STK11: variants seen among roughly 807,000 people sequenced by gnomAD.
The protein encoded by STK11 is serine/threonine kinase 11, also known as serine/threonine-protein kinase STK11.
A neutral mutation model predicts 47.3 loss-of-function variants in STK11; 8 were observed. That is an observed-to-expected ratio of 0.17 (90% CI 0.10 to 0.31). STK11 has a LOEUF of 0.31. STK11 is among the 10% of genes least tolerant of loss of function. The pLI is 1.00. For missense variants in STK11, 475 were observed against 605.0 expected (o/e 0.79, Z 2.25); for synonymous variants, 330 against 255.8 (o/e 1.29, Z -2.77).
chr19:1,226,837 C>A, intron 9 of STK11, 174 bp downstream of exon 9: 3 of 785,992 alleles, frequency 3.8e-6, no homozygotes, highest in East Asian at 6.2e-5. Context: ...AGGGTGCCGT[C>A]TCGGGGCCTG....
intron 3 of STK11, among the ~76,000 whole-genome samples, 198 bp downstream of exon 3, chr19:1,219,611 T>C (rs2080768595): frequency 6.6e-6 from 1 of 152,066 alleles, no homozygotes; most frequent in African/African-American, 2.4e-5. Flanking sequence ...AATGGTGCGA[T>C]CTCGGCTCAC....
At chr19:1,212,322 C>T (rs962776459) in intron 1 of STK11, among the ~76,000 whole-genome samples, 30 of 125,062 alleles carry the variant, frequency 2.4e-4, no homozygotes, top group Middle Eastern at 6.8e-3. Context: ...CTCACTGTAT[C>T]GCCGAGGCTG....
At position 1,228,258 on chromosome 19, in the gene STK11, C is replaced by T; in HGVS notation, c.*682C>T. On this transcript the variant is annotated 3_prime_UTR_variant, in exon 10 of 10. Transcript: ENST00000326873. ...CCCCAAGGCCACTGCGCTCTTGGGA[C>T]CCCAGAGAAAACCCGGAGCAAGCAG... 1.1e-5 allele frequency: 5 copies of T among 453,934 alleles called. No homozygotes were observed. Among genetic ancestry groups the T allele is most frequent in the Non-Finnish European group, 1.6e-5 (5 of 320,180 alleles). The allele number at this position is 453,934 out of a possible 1,614,324, so 28.1% of individuals were successfully genotyped here.
In STK11 at chr19:1,222,860, C is replaced by T. The variant is rs2080794707; in HGVS notation, c.921-125C>T. On this transcript the variant is annotated intron_variant, in intron 7 of 9. Transcript: ENST00000326873. ...TGAGCTTCTGTGGTCACAGCCACCC[C>T]TTGCACGGCCTGGTCCCAGCTCCTG... 3.4e-6 allele frequency: 4 copies of T among 1,167,632 alleles called. No individual in the cohort carries two copies. In the South Asian group the frequency reaches 4.8e-5, roughly 14 times the overall value. The allele number at this position is 1,167,632 out of a possible 1,614,324, so 72.3% of individuals were successfully genotyped here.
At chr19:1,209,290 C>A (rs1355486516) in intron 1 of STK11, among the ~76,000 whole-genome samples, 1 of 152,084 alleles carries the variant, frequency 6.6e-6, no homozygotes, top group Admixed American at 6.5e-5. Context: ...AGTGAGAAAC[C>A]CACGCTTAGG....
chr19:1,207,301 C>T lies in STK11; in HGVS notation c.290+98C>T, dbSNP rs1306875683. ...CTCTCCTCCCTCCCTCCCTTACTTC[C>T]TCTTAACACCCTGAGCTGGACCCGT... On this transcript the variant is annotated intron_variant, in intron 1 of 9. Coordinates refer to ENST00000326873, the MANE Select transcript of STK11 (RefSeq NM_000455.5). 35 of 1,451,738 alleles carry T rather than the reference C, an allele frequency of 2.4e-5. No homozygotes were observed. The Middle Eastern group carries it at 6.2e-4, about 26-fold the overall frequency. 89.9% of individuals were successfully genotyped at this position (1,451,738 alleles called of 1,614,324 possible). A position where few individuals can be genotyped will look rare whatever the true frequency, so the allele number is the denominator to read the frequency against.
At chr19:1,221,098 A>G in intron 5 of STK11, 115 bp from the exon 6 acceptor site, 3 of 1,440,106 alleles carry the variant, frequency 2.1e-6, no homozygotes, top group Non-Finnish European at 2.8e-6. Context: ...TTGAGTCCAC[A>G]GGGCCTCTGG....
intron 1 of STK11, 99 bp from the exon 2 acceptor site, chr19:1,218,318 A>G: frequency 1.0e-6 from 1 of 957,338 alleles, no homozygotes; most frequent in South Asian, 1.4e-5. Flanking sequence ...GGGAGGAGGT[A>G]CGCCACTTCC....
chr19:1,222,878 A>T, intron 7 of STK11, 107 bp from the exon 8 acceptor site: 3 of 1,314,956 alleles, frequency 2.3e-6, no homozygotes, highest in Non-Finnish European at 3.1e-6. Flanking sequence ...GCCTGGTCCC[A>T]GCTCCTGAGT....
At chr19:1,225,834 C>CTT in intron 8 of STK11, 5 of 986,034 alleles carry the variant, frequency 5.1e-6, no homozygotes, top group Non-Finnish European at 6.0e-6. Context: ...GCTTCCTGCA[C>CTT]TTTCCCCTGC....
intron 8 of STK11, chr19:1,223,537 C>A (rs968898629): frequency 3.0e-6 from 3 of 1,014,142 alleles, no homozygotes; most frequent in Non-Finnish European, 2.5e-6. Context: ...TGCAGGGTGG[C>A]CCCTCAGACA....
intron 8 of STK11, chr19:1,223,739 C>T: frequency 9.6e-7 from 1 of 1,041,686 alleles, no homozygotes; most frequent in Non-Finnish European, 1.2e-6. Context: ...GCCGGCGCCG[C>T]AGTAGTGCCT....
intron 1 of STK11, among the ~76,000 whole-genome samples, chr19:1,210,934 G>A (rs1285915212): frequency 2.0e-5 from 3 of 151,842 alleles, no homozygotes; most frequent in Non-Finnish European, 2.9e-5. Flanking sequence ...AGGCCGAGGC[G>A]GTTTGATCAC....
intron 3 of STK11, 32 bp downstream of exon 3, chr19:1,219,445 C>CG: frequency 1.8e-6 from 1 of 560,812 alleles, no homozygotes; most frequent in Non-Finnish European, 3.0e-6. Flanking sequence ...CAGGGTGGGG[C>CG]GGGGGCCGGG....
rs371812003 is a variant in STK11 at position 1,220,766 on chromosome 19, G to C, written c.734+49G>C. 3.6e-5 allele frequency: 56 copies of C among 1,557,208 alleles called. No homozygotes were observed. The highest frequency in any genetic ancestry group is 2.3e-4 in the Middle Eastern group (1 of 4,358). On this transcript the variant is annotated intron_variant, in intron 5 of 9. Coordinates refer to ENST00000326873, the MANE Select transcript of STK11 (RefSeq NM_000455.5). The stretch of plus-strand genomic sequence containing the variant: ...ACTCACCACACGCACACTCCGAGGG[G>C]CCTCTGCGTCTTGGGCAGCTGCCGG...
intron 9 of STK11, 189 bp from the exon 10 acceptor site, chr19:1,227,404 C>T (rs549562230): frequency 6.0e-5 from 27 of 448,296 alleles, no homozygotes; most frequent in Admixed American, 3.5e-4. Flanking sequence ...CGCCAGGCCC[C>T]ACTGCAAAAG....
At position 1,206,178 on chromosome 19, in the gene STK11, G is replaced by C. The variant is rs2080663211; in HGVS notation, c.-736G>C. 6.4e-6 allele frequency: 1 copy of C among 156,842 alleles called. No individual in the cohort carries two copies. Among genetic ancestry groups the C allele is most frequent in the Non-Finnish European group, 1.4e-5 (1 of 71,566 alleles). 9.7% of individuals were successfully genotyped at this position (156,842 alleles called of 1,614,324 possible). ...CCGGCGACCACCTTGGGGGTCGCGG[G>C]CCGGCTCGGGGGGCGCCCAGTGCGG... On this transcript the variant is annotated 5_prime_UTR_variant, in exon 1 of 10. Transcript: ENST00000326873.
chr19:1,221,727 T>G, intron 6 of STK11: 1 of 613,650 alleles, frequency 1.6e-6, no homozygotes, highest in Non-Finnish European at 2.9e-6. Flanking sequence ...GCCCTGGCCG[T>G]CCAGCCCAGC....
chr19:1,224,176 AG>A (rs2080805354), intron 8 of STK11: 1 of 985,178 alleles, frequency 1.0e-6, no homozygotes, highest in African/African-American at 1.8e-5. Context: ...CCGAGAGCAC[AG>A]TGTATGGGGG....
Sources: gnomAD v4.1 joint callset for allele counts (sites outside exome capture counted in the v4.1 genomes callset) on GRCh38, gnomAD v4.1.1 for gene constraint, MANE v1.5 for transcripts, NCBI Gene and HGNC (gene_info 2026-07-23, HGNC 2026-07-21) for gene names.